The following KLHL7 variants were observed in gnomAD, a reference collection of about 807,000 sequenced individuals.
KLHL7 encodes the protein kelch-like protein 7.
Under a neutral mutation model 67.4 loss-of-function variants are expected in KLHL7, and 44 were observed. The ratio of observed to expected loss-of-function variants is 0.65; its 90% CI spans 0.51 to 0.84. The LOEUF is 0.84. KLHL7 is among the 40% of genes least tolerant of loss of function. KLHL7 has a pLI of 0.00. For synonymous variants in KLHL7, 252 were observed against 243.3 expected (o/e 1.04, Z -0.33); for missense variants, 362 against 718.1 (o/e 0.50, Z 5.67).
intron 4 of KLHL7, among the ~76,000 whole-genome samples, chr7:23,130,921 T>C (rs1254805921): frequency 6.6e-6 from 1 of 152,174 alleles, no homozygotes; most frequent in African/African-American, 2.4e-5. Flanking sequence ...ACACAATTAG[T>C]AAACAGGTAT....
intron 1 of KLHL7, among the ~76,000 whole-genome samples, chr7:23,123,249 A>G (rs112776232): frequency 2.0e-5 from 3 of 152,328 alleles, no homozygotes; most frequent in African/African-American, 7.2e-5. Flanking sequence ...CATTTAGTTC[A>G]TCTCCTCTCT....
intron 6 of KLHL7, 54 bp downstream of exon 6, chr7:23,144,079 G>A: frequency 2.1e-6 from 3 of 1,444,032 alleles, no homozygotes; most frequent in Non-Finnish European, 2.9e-6. Flanking sequence ...GTTTCTCATG[G>A]GCTTAAAACC....
In KLHL7 at chr7:23,143,993, A is replaced by G; in HGVS notation, c.761A>G (p.Gln254Arg). The change falls in exon 6 of 11, where the codon CAA becomes CGA. Residue 254 changes from glutamine to arginine, a missense_variant. Gln to Arg is a conservative substitution (Grantham distance 43). Around this residue, in one of 5 missense-constraint regions of KLHL7, gnomAD observed 155 missense variants for 280.8 expected, o/e 0.55. Coordinates refer to ENST00000339077, the MANE Select transcript of KLHL7 (RefSeq NM_001031710.3). The part of the protein sequence containing the change: ...SKTVQAEPLI[Q>R]DNPECLKMVI... ...ACGGTACAAGCTGAACCACTTATTC[A>G]AGACAATCCTGAATGCCTTAAGATG... 1 of 1,613,972 alleles carries G rather than the reference A, an allele frequency of 6.2e-7. No homozygotes were observed. Among genetic ancestry groups the G allele is most frequent in the Non-Finnish European group, 8.5e-7 (1 of 1,179,942 alleles).
At chr7:23,136,938 T>C (rs915768782) in intron 4 of KLHL7, among the ~76,000 whole-genome samples, 16 of 152,182 alleles carry the variant, frequency 1.1e-4, no homozygotes, top group Admixed American at 1.3e-4. Context: ...TGTATCCTAC[T>C]CAGAGAAAAA....
intron 9 of KLHL7, 198 bp downstream of exon 9, chr7:23,168,235 C>G: frequency 1.7e-6 from 1 of 592,314 alleles, no homozygotes; most frequent in Non-Finnish European, 3.0e-6. Flanking sequence ...CTTGAACTTA[C>G]ACCCCATGGG....
At chr7:23,119,876 A>G (rs548219223) in intron 1 of KLHL7, among the ~76,000 whole-genome samples, 6 of 151,298 alleles carry the variant, frequency 4.0e-5, no homozygotes, top group African/African-American at 1.5e-4. Flanking sequence ...CATTTTACTG[A>G]CTTTTCTTGT....
In KLHL7 at chr7:23,144,044, CA is replaced by C; in HGVS notation, c.793+20del. 6.2e-7 allele frequency: 1 copy of C among 1,600,350 alleles called. No individual in the cohort carries two copies. The highest frequency in any genetic ancestry group is 2.2e-5 in the East Asian group (1 of 44,804). On this transcript the variant is annotated intron_variant, in intron 6 of 10. Coordinates refer to ENST00000339077, the MANE Select transcript of KLHL7 (RefSeq NM_001031710.3). ...GTGATAAGTAAGTTGCCTTAATAAC[CA>C]TTTATAACCTGATCATGTAGCCAGT...
rs1476187224 is a variant in KLHL7, at chr7:23,106,014, G to C, written c.-13G>C. On this transcript the variant is annotated 5_prime_UTR_variant, in exon 1 of 11. Transcript: ENST00000339077. ...GCCCGGCGAGCCCCGGGCGTGAACC[G>C]AGCTGAGGGAGGATGGCAGCCTCTG... is the stretch of plus-strand genomic sequence containing the variant. 1.2e-6 allele frequency: 2 copies of C among 1,608,898 alleles called. No homozygotes were observed. The highest frequency in any genetic ancestry group is 1.7e-5 in the Admixed American group (1 of 59,364).
rs1440770028 is a variant in KLHL7 at position 23,167,859 on chromosome 7, G to A, written c.1201G>A (p.Glu401Lys). The A allele has an allele frequency of 6.2e-7, 1 of 1,614,024 alleles. No homozygotes were observed. Among genetic ancestry groups the A allele is most frequent in the African/African-American group, 1.3e-5 (1 of 74,920 alleles). Residue 401 changes from glutamate to lysine, a missense_variant, in exon 9 of 11, where the codon GAG becomes AAG. Physicochemically the swap from Glu to Lys is moderately conservative, Grantham distance 56 (BLOSUM62 1). This residue lies in a region of KLHL7 where 136 missense variants were observed against 252.7 expected (regional missense o/e 0.54). Transcript: ENST00000339077. ...AGGAAACTCAGCTCTGTATTTATTT[G>A]AGTGCTATGATACGAGAACTGAAAG... ...EVGNSALYLF[E>K]CYDTRTESWH... is the part of the protein sequence containing the mutation.
intron 7 of KLHL7, among the ~76,000 whole-genome samples, chr7:23,155,523 G>T (rs1371966835): frequency 2.0e-5 from 3 of 151,828 alleles, no homozygotes; most frequent in Admixed American, 6.6e-5. Flanking sequence ...AATTAGCCAG[G>T]CGTCGTGGCA....
intron 1 of KLHL7, among the ~76,000 whole-genome samples, chr7:23,114,746 A>G (rs1215111978): frequency 6.6e-6 from 1 of 152,216 alleles, no homozygotes; most frequent in Non-Finnish European, 1.5e-5. Context: ...GTGGATAACT[A>G]TTAACACCAG....
In KLHL7 at chr7:23,114,813, A is replaced by G. The variant is rs140791574; in HGVS notation, c.120+8667A>G. On this transcript the variant is annotated intron_variant, in intron 1 of 10. Transcript: ENST00000339077. Reference sequence around the variant, plus strand: ...TCTATTTCCCATCTCAAATTTTTCTAAGCCAAGGTGTCATAGCTCTCTAGA... The same window carrying G: ...TCTATTTCCCATCTCAAATTTTTCTGAGCCAAGGTGTCATAGCTCTCTAGA... Among the ~76,000 whole-genome samples, 860 of 152,332 alleles carry G rather than the reference A, an allele frequency of 5.6e-3. 3 individuals carry two copies. Among genetic ancestry groups the G allele is most frequent in the African/African-American group, 0.02 (825 of 41,576 alleles).
intron 5 of KLHL7, among the ~76,000 whole-genome samples, chr7:23,143,586 C>CG (rs1562574381): frequency 2.0e-5 from 3 of 151,386 alleles, no homozygotes; most frequent in Non-Finnish European, 2.9e-5. Context: ...AGGAAGCTAT[C>CG]TTTTTTTTAA....
intron 9 of KLHL7, among the ~76,000 whole-genome samples, chr7:23,171,421 G>C (rs746805747): frequency 6.6e-6 from 1 of 152,180 alleles, no homozygotes; most frequent in Admixed American, 6.5e-5. Flanking sequence ...AATGCATGAT[G>C]ATAGCTGAGT....
rs1385126466 is a variant in KLHL7 at position 23,138,227 on chromosome 7, G to C, written c.443-2542G>C. On this transcript the variant is annotated intron_variant, in intron 4 of 10. Transcript: ENST00000339077. Reference sequence around the variant, plus strand: ...ACCTGTAATCCCAGCACTTTGGAAGGCCAAGGCGGGTGGATCATGAGGTCA... The same window carrying C: ...ACCTGTAATCCCAGCACTTTGGAAGCCCAAGGCGGGTGGATCATGAGGTCA... 4.0e-5 allele frequency among the ~76,000 whole-genome samples: 6 copies of C among 151,128 alleles called. No homozygotes were observed. The East Asian group carries it at 1.2e-3, about 31-fold the overall frequency.
Position 23,125,052 on chromosome 7 carries a change from T to G in KLHL7, c.322T>G (p.Ser108Ala), listed in dbSNP as rs1333020874. Residue 108 changes from serine (S) to alanine (A), a missense_variant, in exon 4 of 11, where the codon TCC (serine) becomes GCC (alanine). Physicochemically the swap from Ser to Ala is moderately conservative, Grantham distance 99. Coordinates refer to ENST00000339077, the MANE Select transcript of KLHL7 (RefSeq NM_001031710.3). ...TTCCCTCTAACTTATTTGCAGAATTTCCGTGAATAGCAACAATGTTCAGTC... is the reference window on the plus strand; with the variant it reads ...TTCCCTCTAACTTATTTGCAGAATTGCCGTGAATAGCAACAATGTTCAGTC... ...LVEFAYTARI[S>A]VNSNNVQSLL... is the part of the protein sequence containing the mutation. 8 of 1,612,074 alleles carry G rather than the reference T, an allele frequency of 5.0e-6. No homozygotes were observed. In the Admixed American group the frequency reaches 1.2e-4, roughly 24 times the overall value.
chr7:23,135,109 C>T (rs947464970), intron 4 of KLHL7, among the ~76,000 whole-genome samples: 1 of 152,018 alleles, frequency 6.6e-6, no homozygotes, highest in African/African-American at 2.4e-5. Context: ...TGTTGTGTCC[C>T]ATAGGTTTAG....
At chr7:23,173,902 G>T (rs764283532) in intron 10 of KLHL7, 113 bp from the exon 11 acceptor site, 53 of 1,078,714 alleles carry the variant, frequency 4.9e-5, no homozygotes, top group Non-Finnish European at 7.2e-5. Context: ...TTTTCTGTGT[G>T]TTTGACATTT....
rs34932759 is a variant in KLHL7, at chr7:23,170,907, C to CTT, written c.1380-2025_1380-2024dup. 8.8e-3 allele frequency among the ~76,000 whole-genome samples: 1,166 copies of CTT among 132,952 alleles called. 58 individuals are homozygous for CTT. The highest frequency in any genetic ancestry group is 0.028 in the African/African-American group (991 of 34,920). 87.2% of individuals were successfully genotyped at this position (132,952 alleles called of 152,430 possible). ...GAGCGGTCAGAATTTTAAGAAATGA[C>CTT]TTTTTTTTTTTTTTTTTGTGAGACG... On this transcript the variant is annotated intron_variant, in intron 9 of 10. Transcript: ENST00000339077.
Sources: allele counts gnomAD v4.1 joint callset (sites outside exome capture counted in the v4.1 genomes callset), GRCh38; gene constraint gnomAD v4.1.1; regional missense constraint gnomAD v4.1.1; transcripts MANE v1.5; gene names NCBI Gene and HGNC (gene_info 2026-07-23, HGNC 2026-07-21).